Variants in ADAMTS12 observed in about 807,000 individuals in gnomAD.
ADAMTS12 encodes the protein ADAM metallopeptidase with thrombospondin type 1 motif 12, also known as A disintegrin and metalloproteinase with thrombospondin motifs 12.
ADAMTS12 carries 118 observed loss-of-function variants against 167.8 expected under a neutral mutation model. The observed-to-expected ratio is 0.70, with a 90% CI of 0.61 to 0.82. The LOEUF (loss-of-function observed/expected upper bound fraction) is 0.82, where lower values mean the gene tolerates loss of function less well. Among genes scored for constraint, ADAMTS12 ranks in the 40% least tolerant of loss-of-function variants. The pLI, the probability that ADAMTS12 is intolerant of heterozygous loss-of-function variation, is 0.00. For missense variants in ADAMTS12, 1,916 were observed against 1,998.8 expected, an observed-to-expected ratio of 0.96 and a Z score of 0.79; for synonymous variants, 704 against 716.9, an observed-to-expected ratio of 0.98 and a Z score of 0.29.
At chr5:33,798,309 G>A (rs1746855303) in intron 2 of ADAMTS12, among the ~76,000 whole-genome samples, 1 of 151,652 alleles carries the variant, frequency 6.6e-6, no homozygotes, top group Non-Finnish European at 1.5e-5. Flanking sequence ...GATGCTGGAA[G>A]TACAAGATCA....
intron 3 of ADAMTS12, among the ~76,000 whole-genome samples, chr5:33,731,356 T>C (rs1402731911): frequency 6.6e-6 from 1 of 152,148 alleles, no homozygotes; most frequent in East Asian, 1.9e-4. Flanking sequence ...CAACCTTATC[T>C]TTCTTTTCTC....
intron 13 of ADAMTS12, 116 bp from the exon 14 acceptor site, chr5:33,624,467 G>T (rs553120691): frequency 4.1e-4 from 575 of 1,416,474 alleles, no homozygotes; most frequent in Admixed American, 1.8e-3. Context: ...GAGGTACCAG[G>T]TACAAGGACA....
chr5:33,702,888 G>A (rs557903764), intron 3 of ADAMTS12, among the ~76,000 whole-genome samples: 46 of 152,200 alleles, frequency 3.0e-4, no homozygotes, highest in African/African-American at 1.0e-3. Flanking sequence ...GCCTCCTAAC[G>A]AGTGGCTGGA....
At chr5:33,819,807 G>A (rs762854450) in intron 2 of ADAMTS12, among the ~76,000 whole-genome samples, 1 of 152,134 alleles carries the variant, frequency 6.6e-6, no homozygotes, top group Non-Finnish European at 1.5e-5. Context: ...CAACCTAGAT[G>A]AGAAGGACAA....
chr5:33,556,998 T>C (rs1745514740), intron 20 of ADAMTS12, among the ~76,000 whole-genome samples: 3 of 152,330 alleles, frequency 2.0e-5, no homozygotes, highest in East Asian at 3.9e-4. Flanking sequence ...TTTGGTGTAG[T>C]CATGAACCTG....
chr5:33,617,717 T>C (rs1306965011), intron 14 of ADAMTS12, among the ~76,000 whole-genome samples: 1 of 152,156 alleles, frequency 6.6e-6, no homozygotes, highest in Non-Finnish European at 1.5e-5. Flanking sequence ...TCAGAGCTCA[T>C]GCAGGTAAAT....
chr5:33,720,980 C>A (rs967561514), intron 3 of ADAMTS12, among the ~76,000 whole-genome samples: 4 of 152,130 alleles, frequency 2.6e-5, no homozygotes, highest in African/African-American at 9.7e-5. Context: ...ATATCCACTG[C>A]CCAACAACAG....
At chr5:33,716,669 T>C (rs1357451988) in intron 3 of ADAMTS12, among the ~76,000 whole-genome samples, 2 of 152,192 alleles carry the variant, frequency 1.3e-5, no homozygotes, top group Non-Finnish European at 2.9e-5. Context: ...TTATTGAAAA[T>C]TAAATTTCAA....
intron 16 of ADAMTS12, among the ~76,000 whole-genome samples, chr5:33,602,475 T>C (rs1738237222): frequency 6.6e-6 from 1 of 152,242 alleles, no homozygotes; most frequent in Non-Finnish European, 1.5e-5. Flanking sequence ...CTATTATCTT[T>C]ATGAAGTCCT....
intron 2 of ADAMTS12, among the ~76,000 whole-genome samples, chr5:33,879,131 T>C (rs1316373346): frequency 1.3e-5 from 2 of 152,176 alleles, no homozygotes; most frequent in Non-Finnish European, 2.9e-5. Flanking sequence ...TTTAAAGCCA[T>C]TTAGCTGTAA....
intron 5 of ADAMTS12, among the ~76,000 whole-genome samples, chr5:33,678,703 T>A (rs1742006207): frequency 6.6e-6 from 1 of 152,034 alleles, no homozygotes; most frequent in Admixed American, 6.6e-5. Context: ...AGAAAGGGAA[T>A]CAGAAAACCA....
At chr5:33,874,195 C>A (rs965519794) in intron 2 of ADAMTS12, among the ~76,000 whole-genome samples, 1 of 152,068 alleles carries the variant, frequency 6.6e-6, no homozygotes, top group Admixed American at 6.6e-5. Context: ...CAACTGCTGT[C>A]AAAATTTACA....
intron 2 of ADAMTS12, among the ~76,000 whole-genome samples, chr5:33,760,842 A>G (rs766783436): frequency 6.6e-6 from 1 of 151,884 alleles, no homozygotes; most frequent in Admixed American, 6.6e-5. Context: ...TTCTATCAGA[A>G]AAGTTTTCTG....
chr5:33,830,130 T>A (rs1021495582), intron 2 of ADAMTS12, among the ~76,000 whole-genome samples: 16 of 152,190 alleles, frequency 1.1e-4, no homozygotes, highest in Admixed American at 7.2e-4. Context: ...GAGGCTCTGA[T>A]GGATTAAAGA....
Position 33,683,018 on chromosome 5 carries a change from C to T in ADAMTS12, c.915G>A (p.Glu305=). Reference sequence around the variant, plus strand: ...GAAGAGTGAAGGGAAAAAATGTTACCTCTTCTTCTTCGAGTAGAATGAGCC... The same window carrying T: ...GAAGAGTGAAGGGAAAAAATGTTACTTCTTCTTCTTCGAGTAGAATGAGCC... The part of the protein sequence containing the change: ...VVRLILLEEE[E]QGLKIVHHAE... The change falls in exon 5 of 24, where the codon GAG becomes GAA. Residue 305 remains glutamate (E), a splice_region_variant and synonymous_variant. Transcript: ENST00000504830. 2 of 1,611,320 alleles carry T rather than the reference C, an allele frequency of 1.2e-6. No homozygotes were observed. The highest frequency in any genetic ancestry group is 2.2e-5 in the South Asian group (2 of 90,464).
chr5:33,651,192 G>A (rs1253118580), intron 7 of ADAMTS12, among the ~76,000 whole-genome samples: 1 of 152,146 alleles, frequency 6.6e-6, no homozygotes, highest in Non-Finnish European at 1.5e-5. Context: ...CCCACCCAGA[G>A]CATGAGGTAC....
chr5:33,730,908 G>C (rs143045371), intron 3 of ADAMTS12, among the ~76,000 whole-genome samples: 9 of 152,262 alleles, frequency 5.9e-5, no homozygotes, highest in Non-Finnish European at 1.3e-4. Context: ...ATAGCAGAAG[G>C]GTTGAGAATA....
intron 3 of ADAMTS12, among the ~76,000 whole-genome samples, chr5:33,711,367 C>A (rs1053160751): frequency 6.6e-6 from 1 of 152,178 alleles, no homozygotes; most frequent in Non-Finnish European, 1.5e-5. Flanking sequence ...AGCTGACTGG[C>A]TGTTTTTACT....
chr5:33,562,234 C>A (rs1339322416), intron 19 of ADAMTS12, among the ~76,000 whole-genome samples: 1 of 152,178 alleles, frequency 6.6e-6, no homozygotes, highest in Non-Finnish European at 1.5e-5. Flanking sequence ...GATGTTACAG[C>A]ATGATGCTTT....
Sources: gnomAD v4.1 joint callset for allele counts (sites outside exome capture counted in the v4.1 genomes callset) on GRCh38, gnomAD v4.1.1 for gene constraint, MANE v1.5 for transcripts, NCBI Gene and HGNC (gene_info 2026-07-23, HGNC 2026-07-21) for gene names.